VPS13A: variants seen among roughly 807,000 people sequenced by gnomAD.
VPS13A encodes the protein vacuolar protein sorting 13 homolog A.
Under a neutral mutation model 390.9 loss-of-function variants are expected in VPS13A, and 264 were observed. The ratio of observed to expected loss-of-function variants is 0.68; its 90% CI spans 0.61 to 0.75. The LOEUF (loss-of-function observed/expected upper bound fraction) is 0.75. Among genes scored for constraint, VPS13A ranks in the 30% least tolerant of loss-of-function variants. The probability of loss-of-function intolerance (pLI) is 0.00; values close to 1 mark genes in which losing one functional copy is unlikely to be tolerated. For missense variants in VPS13A, 3,409 were observed against 3,733.9 expected (o/e 0.91, Z 2.27); for synonymous variants, 1,231 against 1,227.1 (o/e 1.00, Z -0.07).
At chr9:77,217,207 A>G (rs1822914103) in intron 10 of VPS13A, among the ~76,000 whole-genome samples, 2 of 152,190 alleles carry the variant, frequency 1.3e-5, no homozygotes, top group Admixed American at 6.5e-5. Flanking sequence ...TTCTCAAAGT[A>G]TGGTTCAAAC....
chr9:77,262,045 C>T (rs1825790721), intron 23 of VPS13A, among the ~76,000 whole-genome samples: 1 of 152,084 alleles, frequency 6.6e-6, no homozygotes, highest in Non-Finnish European at 1.5e-5. Flanking sequence ...CCTAAGTTTA[C>T]TATTTTAATT....
intron 42 of VPS13A, among the ~76,000 whole-genome samples, chr9:77,320,218 A>G (rs935098185): frequency 3.9e-5 from 6 of 152,136 alleles, no homozygotes; most frequent in African/African-American, 1.2e-4. Context: ...TCTTGAAGTA[A>G]TAATAGCTAC....
chr9:77,295,548 A>G lies in VPS13A; in HGVS notation c.3514A>G (p.Ile1172Val), dbSNP rs751601313. ...TKFLYSILAF[I>V]DNFQAAKQAL... Reference sequence around the variant, plus strand: ...TAATTCTGTTATCTTACAGGCTTTTATAGATAATTTTCAGGCAGCTAAACA... The same window carrying G: ...TAATTCTGTTATCTTACAGGCTTTTGTAGATAATTTTCAGGCAGCTAAACA... Residue 1172 changes from isoleucine to valine, a missense_variant, in exon 33 of 72, where the codon ATA becomes GTA. By Grantham distance (29) the Ile-to-Val change is conservative. Around this residue, in one of 5 missense-constraint regions of VPS13A, gnomAD observed 2,717 missense variants for 2,917.4 expected, o/e 0.93. Transcript: ENST00000360280. 33 of 1,606,368 alleles carry G rather than the reference A, an allele frequency of 2.1e-5. No individual in the cohort carries two copies. Among genetic ancestry groups the G allele is most frequent in the Non-Finnish European group, 2.6e-5 (31 of 1,174,906 alleles).
intron 1 of VPS13A, among the ~76,000 whole-genome samples, chr9:77,180,177 A>G (rs541475614): frequency 2.0e-5 from 3 of 147,558 alleles, no homozygotes; most frequent in South Asian, 2.2e-4. Flanking sequence ...GCCACTGAAC[A>G]TTCATGTACA....
In VPS13A at chr9:77,247,396, G is replaced by A. The variant is rs1451442644; in HGVS notation, c.2037+1G>A. ...TCTTTTGGACCTTGGTCATCTAAAG[G>A]TATATACTAATAATATTTGATTTAT... On this transcript the variant is annotated splice_donor_variant, in intron 20 of 71. Coordinates refer to ENST00000360280, the MANE Select transcript of VPS13A (RefSeq NM_033305.3). LOFTEE classifies it high-confidence loss of function. 6.2e-7 allele frequency: 1 copy of A among 1,607,034 alleles called. No homozygotes were observed. Among genetic ancestry groups the A allele is most frequent in the Admixed American group, 1.7e-5 (1 of 59,102 alleles).
intron 4 of VPS13A, 140 bp from the exon 5 acceptor site, chr9:77,205,838 G>GC: frequency 1.8e-6 from 1 of 569,226 alleles, no homozygotes; most frequent in Non-Finnish European, 3.1e-6. Context: ...GATTCGCCCA[G>GC]CTTGGCCTCC....
At chr9:77,192,705 T>A (rs1443711435) in intron 1 of VPS13A, among the ~76,000 whole-genome samples, 1 of 152,230 alleles carries the variant, frequency 6.6e-6, no homozygotes, top group Non-Finnish European at 1.5e-5. Context: ...TGCTGAAAGG[T>A]CTGGTGCTAG....
At chr9:77,261,471 G>T (rs1389153166) in intron 23 of VPS13A, among the ~76,000 whole-genome samples, 1 of 150,834 alleles carries the variant, frequency 6.6e-6, no homozygotes, top group Non-Finnish European at 1.5e-5. Context: ...ACATATATAT[G>T]TGTGTATATA....
chr9:77,196,854 A>G (rs1441438301), intron 1 of VPS13A, among the ~76,000 whole-genome samples: 1 of 152,118 alleles, frequency 6.6e-6, no homozygotes, highest in Non-Finnish European at 1.5e-5. Context: ...TGGGATATTT[A>G]TACATTAGTG....
intron 67 of VPS13A, among the ~76,000 whole-genome samples, chr9:77,371,993 A>G (rs1832796701): frequency 6.8e-6 from 1 of 147,398 alleles, no homozygotes; most frequent in Non-Finnish European, 1.5e-5. Flanking sequence ...ATCATTTTTT[A>G]TGGCTGCATA....
intron 46 of VPS13A, among the ~76,000 whole-genome samples, chr9:77,336,227 G>A (rs1324869523): frequency 6.6e-6 from 1 of 152,080 alleles, no homozygotes; most frequent in Non-Finnish European, 1.5e-5. Flanking sequence ...AGGGGAGGGA[G>A]AGCATTAGGA....
At position 77,281,857 on chromosome 9, in the gene VPS13A, C is replaced by G; in HGVS notation, c.2905-10C>G. ...ACGTGTTCTAACAGATTTGTTTTCT[C>G]TTTGGATAGGCTGAAAAGAATGTAC... On this transcript the variant is annotated splice_polypyrimidine_tract_variant and intron_variant, in intron 27 of 71. Transcript: ENST00000360280. 2 of 1,592,672 alleles carry G rather than the reference C, an allele frequency of 1.3e-6. No individual in the cohort carries two copies. The highest frequency in any genetic ancestry group is 2.7e-5 in the African/African-American group (2 of 74,382).
intron 1 of VPS13A, among the ~76,000 whole-genome samples, chr9:77,196,979 C>T (rs569224645): frequency 1.3e-5 from 2 of 152,254 alleles, no homozygotes; most frequent in South Asian, 4.1e-4. Flanking sequence ...AAGAGTTTCC[C>T]TTTCTCCACA....
chr9:77,201,603 G>A (rs559400268), intron 3 of VPS13A, among the ~76,000 whole-genome samples, 196 bp downstream of exon 3: 1 of 152,194 alleles, frequency 6.6e-6, no homozygotes, highest in South Asian at 2.1e-4. Flanking sequence ...CCTAGTATTT[G>A]ATATCCTAAT....
At chr9:77,189,693 A>G (rs1473402302) in intron 1 of VPS13A, among the ~76,000 whole-genome samples, 1 of 152,216 alleles carries the variant, frequency 6.6e-6, no homozygotes, top group Non-Finnish European at 1.5e-5. Flanking sequence ...TGCTTTGGGC[A>G]GTATGGACAT....
At chr9:77,405,839 T>G in intron 69 of VPS13A, 25 bp from the exon 70 acceptor site, 1 of 1,611,844 alleles carries the variant, frequency 6.2e-7, no homozygotes. Context: ...TAAAGCGAAT[T>G]CTTTTTTTGT....
intron 46 of VPS13A, among the ~76,000 whole-genome samples, chr9:77,333,568 C>T (rs1244065547): frequency 2.6e-5 from 4 of 151,816 alleles, no homozygotes; most frequent in Non-Finnish European, 4.4e-5. Context: ...GCATGTGCCA[C>T]CATGCGCAGC....
chr9:77,390,628 G>A (rs1033319926), intron 68 of VPS13A, among the ~76,000 whole-genome samples: 20 of 81,820 alleles, frequency 2.4e-4, no homozygotes, highest in Admixed American at 1.5e-3. Flanking sequence ...ATTTCCCACC[G>A]CCCGCCACCC....
intron 33 of VPS13A, among the ~76,000 whole-genome samples, chr9:77,301,342 G>GA (rs1308238281): frequency 6.6e-6 from 1 of 151,982 alleles, no homozygotes; most frequent in African/African-American, 2.4e-5. Flanking sequence ...TAGCCTAACT[G>GA]AAAAAAAGAA....
Sources: allele counts gnomAD v4.1 joint callset (sites outside exome capture counted in the v4.1 genomes callset), GRCh38; gene constraint gnomAD v4.1.1; regional missense constraint gnomAD v4.1.1; transcripts MANE v1.5; gene names NCBI Gene and HGNC (gene_info 2026-07-23, HGNC 2026-07-21).